The following PRAG1 variants were observed in gnomAD, a reference collection of about 807,000 sequenced individuals.
PRAG1 encodes inactive tyrosine-protein kinase PRAG1.
Under a neutral mutation model 95.6 loss-of-function variants are expected in PRAG1, and 110 were observed. The observed-to-expected ratio is 1.15, with a 90% CI of 0.99 to 1.35. The LOEUF (loss-of-function observed/expected upper bound fraction) is 1.35. Ranked by LOEUF, PRAG1 falls within the 40% of genes most tolerant of loss-of-function variation. The probability of loss-of-function intolerance (pLI) is 0.00; values close to 1 mark genes in which losing one functional copy is unlikely to be tolerated. For synonymous variants in PRAG1, 1,052 were observed against 819.4 expected (o/e 1.28, Z -4.85); for missense variants, 2,554 against 1,864.7 (o/e 1.37, Z -6.81).
chr8:8,385,124 C>A (rs1024359238), intron 1 of PRAG1, among the ~76,000 whole-genome samples: 28 of 152,256 alleles, frequency 1.8e-4, no homozygotes, highest in East Asian at 1.9e-4. Flanking sequence ...GACAGAATTG[C>A]AGAAAACATT....
intron 3 of PRAG1, among the ~76,000 whole-genome samples, chr8:8,369,780 A>G (rs1800131369): frequency 6.6e-6 from 1 of 151,196 alleles, no homozygotes; most frequent in Admixed American, 6.6e-5. Flanking sequence ...GGAGAGGACT[A>G]TAAGGTACTC....
At position 8,318,834 on chromosome 8, in the gene PRAG1, A is replaced by T; in HGVS notation, c.3541T>A (p.Cys1181Ser). 3 of 1,165,218 alleles carry T rather than the reference A, an allele frequency of 2.6e-6. No individual in the cohort carries two copies. The highest frequency in any genetic ancestry group is 3.2e-6 in the Non-Finnish European group (3 of 950,044). 72.2% of individuals were successfully genotyped at this position (1,165,218 alleles called of 1,614,324 possible). ...APAPAAAAPP[C>S]SSAAPPAGGT... ...CCAGCAGGCGGGGCGGCAGAGGAGC[A>T]GGGAGGCGCGGCGGCGGCGGGGGCG... Residue 1181 changes from cysteine (C) to serine (S), a missense_variant, in exon 6 of 6, where the codon TGC (cysteine) becomes AGC (serine). Transcript: ENST00000615670. This position sits in a 1 kb window ranked among gnomAD's most constrained non-coding sequence, Gnocchi z 4.2.
chr8:8,339,515 G>C lies in PRAG1; in HGVS notation c.2283C>G (p.Asp761Glu), dbSNP rs755337303. 5 of 1,614,186 alleles carry C rather than the reference G, an allele frequency of 3.1e-6. No homozygotes were observed. The East Asian group carries it at 6.7e-5, about 22-fold the overall frequency. ...VHVSFTTGST[D>E]SLASDSRTCS... ...AGGTCCTAGAGTCTGAGGCCAGGCT[G>C]TCCGTGGAGCCGGTGGTGAAGCTGA... The change falls in exon 4 of 6, where the codon GAC becomes GAG. Residue 761 changes from aspartate to glutamate, a missense_variant. By Grantham distance (45) the Asp-to-Glu change is conservative (BLOSUM62 2). Transcript: ENST00000615670.
intron 3 of PRAG1, among the ~76,000 whole-genome samples, chr8:8,362,978 G>C (rs544832753): frequency 6.6e-6 from 1 of 151,884 alleles, no homozygotes; most frequent in East Asian, 1.9e-4. Flanking sequence ...TGTGAGCTGG[G>C]ACATGCCTGG....
chr8:8,375,955 C>T (rs1349906281), intron 3 of PRAG1, among the ~76,000 whole-genome samples: 1 of 152,036 alleles, frequency 6.6e-6, no homozygotes, highest in Non-Finnish European at 1.5e-5. Flanking sequence ...AAAAGAGGAC[C>T]AGATTATAAA....
At chr8:8,329,078 G>C (rs1209690020) in intron 4 of PRAG1, among the ~76,000 whole-genome samples, 1 of 152,104 alleles carries the variant, frequency 6.6e-6, no homozygotes, top group East Asian at 1.9e-4. Context: ...TTTATAGAGG[G>C]TGTAACTGGC....
At chr8:8,327,669 G>A (rs373050545) in intron 5 of PRAG1, 41 bp downstream of exon 5, 2 of 1,575,290 alleles carry the variant, frequency 1.3e-6, no homozygotes, top group African/African-American at 2.7e-5. Context: ...GCCAGCACCA[G>A]CCAGTGGCAC....
At chr8:8,381,896 C>T (rs566602714) in intron 1 of PRAG1, 62 bp from the exon 2 acceptor site, 6 of 597,830 alleles carry the variant, frequency 1.0e-5, no homozygotes, top group African/African-American at 9.3e-5. Flanking sequence ...GGTGCATTAT[C>T]AATTAGAGTC....
At chr8:8,349,266 C>CTATCTATTTATT (rs538351197) in intron 3 of PRAG1, among the ~76,000 whole-genome samples, 44 of 149,350 alleles carry the variant, frequency 2.9e-4, no homozygotes, top group African/African-American at 1.1e-3. Flanking sequence ...ATCTATCTAT[C>CTATCTATTTATT]TATTTATTTA....
chr8:8,324,576 T>C (rs1486156709), intron 5 of PRAG1, among the ~76,000 whole-genome samples: 2 of 151,946 alleles, frequency 1.3e-5, no homozygotes, highest in Non-Finnish European at 2.9e-5. Context: ...CCCTACTCCC[T>C]GCCCCCAACC....
Position 8,317,841 on chromosome 8 carries a change from G to C in PRAG1, c.*313C>G, listed in dbSNP as rs78307994. ...AAGAAATCCTAAACAAGGTATTGAG[G>C]CCAGTGTCCAGGCTGCATTCAGTTC... On this transcript the variant is annotated 3_prime_UTR_variant, in exon 6 of 6. Coordinates refer to ENST00000615670, the MANE Select transcript of PRAG1 (RefSeq NM_001080826.3). The C allele has an allele frequency of 3.7e-3, 787 of 210,106 alleles. 4 individuals are homozygous for C. Among genetic ancestry groups the C allele is most frequent in the African/African-American group, 0.016 (690 of 43,498 alleles). The allele number at this position is 210,106 out of a possible 1,614,324, so 13.0% of individuals were successfully genotyped here.
In PRAG1 at chr8:8,322,699, G is replaced by A. The variant is rs191506676; in HGVS notation, c.3073-3397C>T. Among the ~76,000 whole-genome samples the A allele has an allele frequency of 2.3e-3, 349 of 152,226 alleles. 1 individual carries two copies. The highest frequency in any genetic ancestry group is 7.8e-3 in the African/African-American group (326 of 41,548). On this transcript the variant is annotated intron_variant, in intron 5 of 5. Transcript: ENST00000615670. ...CTCAAGCCTGCTACCTGGAGGCTTC[G>A]TCTGCATGATAAAGTCTTGGTCTCC...
chr8:8,323,320 CCTTT>C (rs746209699), intron 5 of PRAG1, among the ~76,000 whole-genome samples: 1 of 113,962 alleles, frequency 8.8e-6, no homozygotes. Flanking sequence ...CTTTTCCCTC[CCTTT>C]TTTTTTTTTT....
At position 8,377,649 on chromosome 8, in the gene PRAG1, A is replaced by G. The variant is rs1800465955; in HGVS notation, c.760T>C (p.Cys254Arg). The change falls in exon 3 of 6, where the codon TGC becomes CGC. Residue 254 changes from cysteine (C) to arginine (R), a missense_variant. Transcript: ENST00000615670. ...CCAGGGCAGCAGTCCAGGATGGAGC[A>G]GTACTCTCCACCCTCGCTGTCCCCG... ...PSGDSEGGEY[C>R]SILDCCPGSP... The G allele has an allele frequency of 6.2e-7, 1 of 1,613,552 alleles. No homozygotes were observed. The highest frequency in any genetic ancestry group is 1.7e-5 in the Admixed American group (1 of 60,008).
chr8:8,377,209 CG>C lies in PRAG1; in HGVS notation c.1199del (p.Pro400ArgfsTer34). The C allele has an allele frequency of 6.3e-7, 1 of 1,584,814 alleles. No homozygotes were observed. The highest frequency in any genetic ancestry group is 8.6e-7 in the Non-Finnish European group (1 of 1,157,774). ...GCTGTGTAGCCTCCCGGGGGTGGGC[CG>C]GGGGCTGGGGCTCCCCCGTCAGCCC... Reference protein sequence around the residue: ...CLGLTGEPQPPAHPREATQPE... With the variant: ...CLGLTGEPQPXAHPREATQPE... On this transcript the variant is annotated frameshift_variant, in exon 3 of 6. Coordinates refer to ENST00000615670, the MANE Select transcript of PRAG1 (RefSeq NM_001080826.3). LOFTEE classifies it high-confidence loss of function.
chr8:8,341,442 A>T (rs1029462126), intron 3 of PRAG1, among the ~76,000 whole-genome samples: 3 of 152,234 alleles, frequency 2.0e-5, no homozygotes, highest in African/African-American at 4.8e-5. Context: ...AGTACAAGGG[A>T]TCCTTCAATA....
chr8:8,318,960 G>C lies in PRAG1; in HGVS notation c.3415C>G (p.His1139Asp). 6.2e-7 allele frequency: 1 copy of C among 1,613,120 alleles called. No homozygotes were observed. The highest frequency in any genetic ancestry group is 8.5e-7 in the Non-Finnish European group (1 of 1,179,688). ...CACAGGTCCCGGTGGATGATCCCGT[G>C]CTCCTTCAGGTGCTCCAGCCCGTTG... ...LCNGLEHLKE[H>D]GIIHRDLCLE... The change falls in exon 6 of 6, where the codon CAC (histidine) becomes GAC (aspartate). Residue 1139 changes from histidine (H) to aspartate (D), a missense_variant. His to Asp is a moderately conservative substitution (Grantham distance 81, BLOSUM62 -1). Transcript: ENST00000615670. The surrounding 1 kb of genome is among the most constrained non-coding windows in gnomAD (Gnocchi z 4.2).
intron 3 of PRAG1, among the ~76,000 whole-genome samples, chr8:8,346,651 G>A (rs1799352426): frequency 1.3e-5 from 2 of 152,208 alleles, no homozygotes; most frequent in African/African-American, 4.8e-5. Context: ...TACCCCCGAA[G>A]CTTTCAGAAT....
At position 8,381,720 on chromosome 8, in the gene PRAG1, C is replaced by T. The variant is rs780959888; in HGVS notation, c.28G>A (p.Glu10Lys). Residue 10 changes from glutamate (E) to lysine (K), a missense_variant, in exon 2 of 6, where the codon GAG (glutamate) becomes AAG (lysine). Coordinates refer to ENST00000615670, the MANE Select transcript of PRAG1 (RefSeq NM_001080826.3). ...CTGCACGCAGACATTTTCAGGCTCT[C>T]GGGGTTCAGGCAGAGGGTCTGGTGC... The part of the protein sequence containing the change: MHQTLCLNP[E>K]SLKMSACSDF... 8.7e-6 allele frequency: 14 copies of T among 1,601,150 alleles called. No homozygotes were observed. In the South Asian group the frequency reaches 1.3e-4, roughly 15 times the overall value.
Sources: gnomAD v4.1 joint callset for allele counts (sites outside exome capture counted in the v4.1 genomes callset) on GRCh38, gnomAD v4.1.1 for gene constraint, Gnocchi (gnomAD v3.1) non-coding constraint, MANE v1.5 for transcripts, NCBI Gene and HGNC (gene_info 2026-07-23, HGNC 2026-07-21) for gene names.